Variants in NRIP1 observed in about 807,000 individuals in gnomAD.
NRIP1 encodes the protein nuclear receptor-interacting protein 1.
A neutral mutation model predicts 75.0 loss-of-function variants in NRIP1; 28 were observed. That is an observed-to-expected ratio of 0.37 (90% CI 0.28 to 0.51). NRIP1 has a LOEUF of 0.51. Among genes scored for constraint, NRIP1 ranks in the 20% least tolerant of loss-of-function variants. The pLI is 0.92. For missense variants in NRIP1, 1,435 were observed against 1,343.7 expected (o/e 1.07, Z -1.06); for synonymous variants, 526 against 487.6 (o/e 1.08, Z -1.04).
chr21:14,984,226 CTT>C (rs1419313320), intron 3 of NRIP1, among the ~76,000 whole-genome samples: 1 of 152,050 alleles, frequency 6.6e-6, no homozygotes, highest in East Asian at 1.9e-4. Flanking sequence ...TCATGGATGA[CTT>C]TGAGGAATTC....
chr21:15,063,816 A>G (rs1600949511), intron 1 of NRIP1, among the ~76,000 whole-genome samples: 1 of 152,234 alleles, frequency 6.6e-6, no homozygotes, highest in African/African-American at 2.4e-5. Context: ...AGTGCTTATC[A>G]TTCCGTACTT....
chr21:15,033,241 A>AG (rs1265714044), intron 2 of NRIP1, among the ~76,000 whole-genome samples: 1 of 151,804 alleles, frequency 6.6e-6, no homozygotes. Context: ...AAAAAAAAAA[A>AG]AATACTGCAT....
chr21:15,050,651 C>T, intron 1 of NRIP1: 1 of 440,078 alleles, frequency 2.3e-6, no homozygotes, highest in Non-Finnish European at 4.6e-6. Context: ...ACAGTAAATC[C>T]TACCCTTAAA....
intron 2 of NRIP1, among the ~76,000 whole-genome samples, chr21:15,028,355 T>C (rs943833211): frequency 6.6e-5 from 10 of 152,222 alleles, no homozygotes; most frequent in Non-Finnish European, 1.3e-4. Flanking sequence ...TTTAATGATG[T>C]GCTTGCACAT....
chr21:15,040,293 T>C (rs1421280848), intron 2 of NRIP1, among the ~76,000 whole-genome samples: 1 of 152,126 alleles, frequency 6.6e-6, no homozygotes. Flanking sequence ...AAATCAAATA[T>C]ATTATTAATT....
chr21:14,972,209 C>T (rs2086921186), intron 3 of NRIP1, among the ~76,000 whole-genome samples: 1 of 152,084 alleles, frequency 6.6e-6, no homozygotes, highest in Non-Finnish European at 1.5e-5. Context: ...CAGAGTGAGC[C>T]AAATTTCTTT....
chr21:14,995,112 G>T (rs1384711101), intron 3 of NRIP1, among the ~76,000 whole-genome samples: 1 of 151,518 alleles, frequency 6.6e-6, no homozygotes, highest in African/African-American at 2.4e-5. Flanking sequence ...TAAAACAAAT[G>T]GAAAATGTAA....
chr21:15,023,589 A>G (rs933478883), intron 2 of NRIP1, among the ~76,000 whole-genome samples: 3 of 152,194 alleles, frequency 2.0e-5, no homozygotes, highest in Non-Finnish European at 4.4e-5. Flanking sequence ...GGAATGACAC[A>G]CCATGTTTAT....
intron 3 of NRIP1, among the ~76,000 whole-genome samples, chr21:14,997,894 C>T (rs1002003036): frequency 6.6e-6 from 1 of 152,044 alleles, no homozygotes; most frequent in Admixed American, 6.6e-5. Flanking sequence ...AATTTGCTTG[C>T]ACACTTTGCC....
At chr21:14,980,773 G>A (rs895188890) in intron 3 of NRIP1, among the ~76,000 whole-genome samples, 1 of 151,980 alleles carries the variant, frequency 6.6e-6, no homozygotes, top group Non-Finnish European at 1.5e-5. Flanking sequence ...ATATGTACAT[G>A]TAAATGTTCT....
chr21:14,985,172 C>CT (rs1568958117), intron 3 of NRIP1, among the ~76,000 whole-genome samples: 1 of 152,174 alleles, frequency 6.6e-6, no homozygotes, highest in African/African-American at 2.4e-5. Flanking sequence ...ATCTTAGCAC[C>CT]TAGCAGAGGC....
chr21:15,048,899 G>A (rs2089144285), intron 1 of NRIP1, among the ~76,000 whole-genome samples: 1 of 151,918 alleles, frequency 6.6e-6, no homozygotes, highest in African/African-American at 2.4e-5. Context: ...CTTCATTAGG[G>A]GATACTAAAT....
At chr21:15,047,264 G>A (rs756195628) in intron 1 of NRIP1, among the ~76,000 whole-genome samples, 5 of 149,560 alleles carry the variant, frequency 3.3e-5, no homozygotes, top group Non-Finnish European at 4.4e-5. Context: ...GATCTCGGCC[G>A]GGCGCGGTGG....
rs1003216783 is a variant in NRIP1 at position 14,963,454 on chromosome 21, A to G, written c.*1262T>C. The G allele has an allele frequency of 7.2e-5, 11 of 152,148 alleles. No individual in the cohort carries two copies. Among genetic ancestry groups the G allele is most frequent in the African/African-American group, 2.7e-4 (11 of 41,068 alleles). The allele number at this position is 152,148 out of a possible 1,614,324, so 9.4% of individuals were successfully genotyped here. On this transcript the variant is annotated 3_prime_UTR_variant, in exon 4 of 4. Coordinates refer to ENST00000318948, the MANE Select transcript of NRIP1 (RefSeq NM_003489.4). ...ATCCCCTCCACCCAATTTTTGTCATAAAAAGTGTTCTGAACCCGATTTCCA... is the reference window on the plus strand; with the variant it reads ...ATCCCCTCCACCCAATTTTTGTCATGAAAAGTGTTCTGAACCCGATTTCCA...
Position 14,967,809 on chromosome 21 carries a change from C to T in NRIP1, c.384G>A (p.Gln128=). The T allele has an allele frequency of 2.5e-6, 4 of 1,614,012 alleles. No individual in the cohort carries two copies. The highest frequency in any genetic ancestry group is 3.4e-6 in the Non-Finnish European group (4 of 1,179,974). ...GCAAAGAGGCCAGTAATGTGCTATC[C>T]TGTTTGCCTTTAGGCACACTGTCAA... ...GMVDSVPKGK[Q]DSTLLASLLQ... The change falls in exon 4 of 4, where the codon CAG becomes CAA. Residue 128 remains glutamine, a synonymous_variant. Transcript: ENST00000318948.
chr21:15,012,714 G>A (rs998561940), intron 3 of NRIP1, among the ~76,000 whole-genome samples: 2 of 151,948 alleles, frequency 1.3e-5, no homozygotes, highest in Admixed American at 6.6e-5. Context: ...GCCTCCCAAA[G>A]TGCTGGGATT....
At chr21:15,023,618 C>T (rs1328185698) in intron 2 of NRIP1, among the ~76,000 whole-genome samples, 1 of 152,122 alleles carries the variant, frequency 6.6e-6, no homozygotes, top group African/African-American at 2.4e-5. Context: ...TACTCAGTAT[C>T]GTAAAATGAC....
At chr21:15,033,804 G>C (rs2088768874) in intron 2 of NRIP1, among the ~76,000 whole-genome samples, 1 of 152,170 alleles carries the variant, frequency 6.6e-6, no homozygotes, top group South Asian at 2.1e-4. Context: ...TCAAACTCAA[G>C]TCAGTGTGTT....
intron 3 of NRIP1, among the ~76,000 whole-genome samples, chr21:15,007,018 G>A (rs1394022925): frequency 6.6e-6 from 1 of 152,170 alleles, no homozygotes. Context: ...CTAGGGTCCA[G>A]AAATAGCACT....
Sources: gnomAD v4.1 joint callset for allele counts (sites outside exome capture counted in the v4.1 genomes callset) on GRCh38, gnomAD v4.1.1 for gene constraint, MANE v1.5 for transcripts, NCBI Gene and HGNC (gene_info 2026-07-23, HGNC 2026-07-21) for gene names.